Variants in PLEKHF2 observed in about 807,000 individuals in gnomAD.
The protein encoded by PLEKHF2 is pleckstrin homology domain-containing family F member 2.
PLEKHF2 carries 4 observed loss-of-function variants against 14.7 expected under a neutral mutation model. That is an observed-to-expected ratio of 0.27 (90% CI 0.13 to 0.62). PLEKHF2 has a LOEUF of 0.62. PLEKHF2 is among the 20% of genes least tolerant of loss of function. The pLI is 0.85. For synonymous variants in PLEKHF2, 90 were observed against 103.5 expected (o/e 0.87, Z 0.79); for missense variants, 201 against 307.7 (o/e 0.65, Z 2.60).
At chr8:95,137,614 G>A (rs1371805449) in intron 1 of PLEKHF2, among the ~76,000 whole-genome samples, 3 of 152,224 alleles carry the variant, frequency 2.0e-5, no homozygotes, top group Non-Finnish European at 4.4e-5. Flanking sequence ...ATGCAGAGGG[G>A]TTAGCTGCCA....
intron 1 of PLEKHF2, among the ~76,000 whole-genome samples, chr8:95,137,589 T>C (rs1810389991): frequency 6.6e-6 from 1 of 152,260 alleles, no homozygotes; most frequent in African/African-American, 2.4e-5. Context: ...GCTTTTCATT[T>C]TGTAGTTGAG....
chr8:95,148,195 T>C (rs538403808), intron 1 of PLEKHF2, among the ~76,000 whole-genome samples: 1 of 129,136 alleles, frequency 7.7e-6, no homozygotes, highest in South Asian at 2.4e-4. Flanking sequence ...AGCTTTCTCT[T>C]AAAGTTTTTT....
intron 1 of PLEKHF2, among the ~76,000 whole-genome samples, chr8:95,146,809 C>T (rs904572089): frequency 2.7e-5 from 4 of 148,114 alleles, no homozygotes; most frequent in African/African-American, 1.0e-4. Flanking sequence ...AAGAAGACAA[C>T]GTAAAAAAAA....
intron 1 of PLEKHF2, among the ~76,000 whole-genome samples, chr8:95,140,524 T>A (rs1810428795): frequency 6.6e-6 from 1 of 152,240 alleles, no homozygotes; most frequent in Admixed American, 6.5e-5. Context: ...TCTTTTGCAG[T>A]TTGTCTCATC....
At chr8:95,145,618 G>A (rs1364301908) in intron 1 of PLEKHF2, among the ~76,000 whole-genome samples, 1 of 151,974 alleles carries the variant, frequency 6.6e-6, no homozygotes, top group Non-Finnish European at 1.5e-5. Flanking sequence ...TAGAGACGGG[G>A]TTTCACCGTG....
At position 95,151,550 on chromosome 8, in the gene PLEKHF2, A is replaced by C. The variant is rs183434509; in HGVS notation, c.-14-2481A>C. On this transcript the variant is annotated intron_variant, in intron 1 of 1. Coordinates refer to ENST00000315367, the MANE Select transcript of PLEKHF2 (RefSeq NM_024613.4). ...TGAATAGCTCTCAGTTTCTTTTAAA[A>C]ATCACTTTAAAAAAAAAATCATAGC... is the stretch of plus-strand genomic sequence containing the variant. Among the ~76,000 whole-genome samples the C allele has an allele frequency of 4.7e-5, 7 of 149,898 alleles. No individual in the cohort carries two copies. The East Asian group carries it at 9.7e-4, about 21-fold the overall frequency.
intron 1 of PLEKHF2, among the ~76,000 whole-genome samples, chr8:95,142,432 T>A (rs1810449791): frequency 1.3e-5 from 2 of 152,108 alleles, no homozygotes; most frequent in Non-Finnish European, 2.9e-5. Flanking sequence ...TTTATGTAAT[T>A]TTGGTAGAAA....
intron 1 of PLEKHF2, among the ~76,000 whole-genome samples, chr8:95,145,841 C>T (rs1181331701): frequency 6.6e-6 from 1 of 152,178 alleles, no homozygotes; most frequent in Non-Finnish European, 1.5e-5. Context: ...ACTGTCTTGT[C>T]CCTTGCAGAT....
intron 1 of PLEKHF2, among the ~76,000 whole-genome samples, chr8:95,146,431 T>C (rs552614438): frequency 5.0e-4 from 76 of 152,226 alleles, no homozygotes; most frequent in African/African-American, 1.8e-3. Flanking sequence ...ATAAGAAGTA[T>C]TGATTTCCAG....
chr8:95,136,329 T>TACACACACAC (rs773190083), intron 1 of PLEKHF2, among the ~76,000 whole-genome samples: 4 of 63,018 alleles, frequency 6.3e-5, no homozygotes, highest in African/African-American at 3.3e-4. Flanking sequence ...GTTTTTATTA[T>TACACACACAC]ATATACACAC....
chr8:95,139,405 G>T (rs1411362711), intron 1 of PLEKHF2, among the ~76,000 whole-genome samples: 1 of 152,172 alleles, frequency 6.6e-6, no homozygotes, highest in Non-Finnish European at 1.5e-5. Context: ...TACTCAGGAG[G>T]CTGAGGTGGG....
At chr8:95,134,724 A>G (rs141886284) in intron 1 of PLEKHF2, among the ~76,000 whole-genome samples, 109 of 152,282 alleles carry the variant, frequency 7.2e-4, no homozygotes, top group African/African-American at 2.5e-3. Context: ...ACATTCCAGC[A>G]ATAACTTGAG....
Position 95,151,685 on chromosome 8 carries a change from A to T in PLEKHF2, c.-14-2346A>T, listed in dbSNP as rs559808324. ...TGTATTGTTTAATTTATTATTTTTT[A>T]AAATTTTTATCTGTTGTCACATACT... On this transcript the variant is annotated intron_variant, in intron 1 of 1. Coordinates refer to ENST00000315367, the MANE Select transcript of PLEKHF2 (RefSeq NM_024613.4). 2.6e-5 allele frequency among the ~76,000 whole-genome samples: 4 copies of T among 152,000 alleles called. No homozygotes were observed. The East Asian group carries it at 5.8e-4, about 22-fold the overall frequency.
rs958141959 is a variant in PLEKHF2 at position 95,156,515 on chromosome 8, T to C, written c.*1721T>C. ...GTTTCTAAGCAATATATACATAAAA[T>C]CAACCAACATATCTGAAAAGGATCA... On this transcript the variant is annotated 3_prime_UTR_variant, in exon 2 of 2. Coordinates refer to ENST00000315367, the MANE Select transcript of PLEKHF2 (RefSeq NM_024613.4). The C allele has an allele frequency of 1.2e-5, 2 of 166,994 alleles. No individual in the cohort carries two copies. Among genetic ancestry groups the C allele is most frequent in the Non-Finnish European group, 2.9e-5 (2 of 68,096 alleles). 10.3% of individuals were successfully genotyped at this position (166,994 alleles called of 1,614,324 possible).
chr8:95,145,119 C>G (rs978709115), intron 1 of PLEKHF2, among the ~76,000 whole-genome samples: 2 of 151,872 alleles, frequency 1.3e-5, no homozygotes, highest in Non-Finnish European at 2.9e-5. Flanking sequence ...CAGTAATAGG[C>G]ATATTTGGTG....
At chr8:95,136,941 C>A (rs1810381907) in intron 1 of PLEKHF2, among the ~76,000 whole-genome samples, 1 of 152,164 alleles carries the variant, frequency 6.6e-6, no homozygotes, top group African/African-American at 2.4e-5. Context: ...CCTGCCCCCA[C>A]CCAAGATAAC....
intron 1 of PLEKHF2, among the ~76,000 whole-genome samples, chr8:95,136,732 TTTG>T (rs1291897861): frequency 6.6e-5 from 10 of 152,332 alleles, no homozygotes; most frequent in Non-Finnish European, 1.0e-4. Context: ...GAAAAATTTT[TTTG>T]TTGTTGTTTA....
intron 1 of PLEKHF2, among the ~76,000 whole-genome samples, chr8:95,144,698 C>A (rs2132107697): frequency 6.6e-6 from 1 of 152,150 alleles, no homozygotes; most frequent in East Asian, 1.9e-4. Context: ...GAAACCTTGT[C>A]TCTACTAAAA....
At chr8:95,139,523 A>C (rs1048159693) in intron 1 of PLEKHF2, among the ~76,000 whole-genome samples, 4 of 152,184 alleles carry the variant, frequency 2.6e-5, no homozygotes, top group Non-Finnish European at 5.9e-5. Context: ...CAATCAATAA[A>C]TGTTGACCCT....
Sources: gnomAD v4.1 joint callset for allele counts (sites outside exome capture counted in the v4.1 genomes callset) on GRCh38, gnomAD v4.1.1 for gene constraint, MANE v1.5 for transcripts, NCBI Gene and HGNC (gene_info 2026-07-23, HGNC 2026-07-21) for gene names.